ECM2: variants seen among roughly 807,000 people sequenced by gnomAD.
ECM2 encodes the protein extracellular matrix protein 2, female organ and adipocyte specific.
A neutral mutation model predicts 67.5 loss-of-function variants in ECM2; 57 were observed. The observed-to-expected ratio is 0.84, with a 90% confidence interval of 0.68 to 1.05. ECM2 has a LOEUF of 1.05. Among genes scored for constraint, ECM2 ranks in the 50% least tolerant of loss-of-function variants. The pLI is 0.00. For synonymous variants in ECM2, 258 were observed against 294.5 expected (o/e 0.88, Z 1.27); for missense variants, 741 against 822.8 (o/e 0.90, Z 1.22).
the ECM2 span, among the ~76,000 whole-genome samples, chr9:92,551,379 C>G: frequency 6.6e-6 from 1 of 152,004 alleles, no homozygotes; most frequent in African/African-American, 2.4e-5. Flanking sequence ...GCTCTGTCAC[C>G]CAAGCTGGAC....
intron 8 of ECM2, among the ~76,000 whole-genome samples, chr9:92,501,523 A>G (rs1846676457): frequency 6.6e-6 from 1 of 152,112 alleles, no homozygotes; most frequent in African/African-American, 2.4e-5. Flanking sequence ...TGATTTGATG[A>G]CCTGGCACAC....
intron 4 of ECM2, among the ~76,000 whole-genome samples, chr9:92,513,858 A>G (rs1018586340): frequency 2.0e-5 from 3 of 152,206 alleles, no homozygotes; most frequent in Non-Finnish European, 4.4e-5. Context: ...GACTATGTGC[A>G]TTTGTCAAAA....
chr9:92,545,131 C>T, the ECM2 span, among the ~76,000 whole-genome samples: 2 of 152,202 alleles, frequency 1.3e-5, no homozygotes, highest in African/African-American at 4.8e-5. Context: ...TCAGCCTCAG[C>T]GCCCACTCTG....
At chr9:92,521,144 T>C (rs1339636237) in intron 2 of ECM2, among the ~76,000 whole-genome samples, 1 of 152,228 alleles carries the variant, frequency 6.6e-6, no homozygotes, top group African/African-American at 2.4e-5. Flanking sequence ...TACTGTAAGA[T>C]CACTGGAAAA....
chr9:92,532,514 C>T (rs1848861519), intron 1 of ECM2, among the ~76,000 whole-genome samples: 1 of 152,060 alleles, frequency 6.6e-6, no homozygotes, highest in South Asian at 2.1e-4. Flanking sequence ...ACTTTCCCCT[C>T]ATTTGTATTT....
rs1463733216 is a variant in ECM2 at position 92,496,123 on chromosome 9, T to C, written c.*192A>G. The stretch of plus-strand genomic sequence containing the variant: ...GGAAACTGAGAGATTTTACCTTTAC[T>C]ATTAATAAAACTCCTAGAGACTATA... On this transcript the variant is annotated 3_prime_UTR_variant, in exon 10 of 10. Transcript: ENST00000344604. 2.4e-6 allele frequency: 3 copies of C among 1,224,676 alleles called. No individual in the cohort carries two copies. The highest frequency in any genetic ancestry group is 3.2e-5 in the African/African-American group (2 of 63,038). The allele number at this position is 1,224,676 out of a possible 1,614,324, so 75.9% of individuals were successfully genotyped here.
intron 4 of ECM2, among the ~76,000 whole-genome samples, chr9:92,513,764 T>C (rs1281353143): frequency 2.6e-5 from 4 of 152,206 alleles, no homozygotes; most frequent in African/African-American, 9.6e-5. Context: ...TGTTCTGTGG[T>C]GGCCAGTGAC....
At chr9:92,499,553 A>G (rs985397462) in intron 9 of ECM2, among the ~76,000 whole-genome samples, 4 of 152,218 alleles carry the variant, frequency 2.6e-5, no homozygotes, top group Admixed American at 2.0e-4. Flanking sequence ...CAATCCAGTG[A>G]TCAATTTTAG....
chr9:92,544,693 G>T, the ECM2 span, among the ~76,000 whole-genome samples: 727 of 150,240 alleles, frequency 4.8e-3, 6 homozygotes, highest in African/African-American at 0.017. Context: ...GAGGACCAGA[G>T]AAATTGTTAT....
chr9:92,502,696 T>C (rs891993033), intron 7 of ECM2, 44 bp from the exon 8 acceptor site: 7 of 1,449,688 alleles, frequency 4.8e-6, no homozygotes, highest in African/African-American at 1.4e-5. Context: ...TTGTGTTAGT[T>C]GATACGTTCA....
At chr9:92,531,013 T>C (rs1218392763) in intron 1 of ECM2, among the ~76,000 whole-genome samples, 1 of 152,214 alleles carries the variant, frequency 6.6e-6, no homozygotes, top group Non-Finnish European at 1.5e-5. Context: ...GCTGTCTTTC[T>C]ATATTTTTAT....
At chr9:92,537,006 C>T (rs1271185371), upstream of ECM2, among the ~76,000 whole-genome samples, 2 of 151,362 alleles carry the variant, frequency 1.3e-5, no homozygotes, top group Admixed American at 1.3e-4. Flanking sequence ...AGTAGGTGGG[C>T]TTAAAGGCGC....
At chr9:92,542,873 TTTTG>T in the ECM2 span, among the ~76,000 whole-genome samples, 1 of 152,216 alleles carries the variant, frequency 6.6e-6, no homozygotes, top group East Asian at 1.9e-4. Context: ...CATTAATCTA[TTTTG>T]AGTTGATTTC....
intron 1 of ECM2, among the ~76,000 whole-genome samples, chr9:92,533,328 A>AAAAAATATATAT (rs1554683138): frequency 2.6e-5 from 1 of 38,336 alleles, no homozygotes; most frequent in African/African-American, 1.5e-4. Flanking sequence ...AAAAAAAAAA[A>AAAAAATATATAT]ATATATATAT....
At chr9:92,555,288 C>T in the ECM2 span, among the ~76,000 whole-genome samples, 2 of 121,858 alleles carry the variant, frequency 1.6e-5, no homozygotes, top group Non-Finnish European at 3.1e-5. Context: ...AGTACAATGG[C>T]GTGATCTCAG....
the ECM2 span, among the ~76,000 whole-genome samples, chr9:92,558,045 G>A: frequency 6.6e-6 from 1 of 152,010 alleles, no homozygotes; most frequent in Non-Finnish European, 1.5e-5. Flanking sequence ...TTCACTTCTT[G>A]TATCATTTTT....
chr9:92,547,583 T>TTCA, the ECM2 span, among the ~76,000 whole-genome samples: 4 of 152,338 alleles, frequency 2.6e-5, no homozygotes, highest in South Asian at 8.3e-4. Context: ...TATTGAATGA[T>TTCA]TTCATTCGTA....
chr9:92,546,761 A>G, the ECM2 span, among the ~76,000 whole-genome samples: 1 of 152,248 alleles, frequency 6.6e-6, no homozygotes, highest in Non-Finnish European at 1.5e-5. Flanking sequence ...TTATGCTAGT[A>G]AATTGATATA....
intron 6 of ECM2, among the ~76,000 whole-genome samples, chr9:92,507,391 A>G (rs936377736): frequency 3.9e-5 from 6 of 152,244 alleles, no homozygotes; most frequent in Admixed American, 3.9e-4. Context: ...GAAATGAACT[A>G]GTGGCCATTA....
Sources: gnomAD v4.1 joint callset for allele counts (sites outside exome capture counted in the v4.1 genomes callset) on GRCh38, gnomAD v4.1.1 for gene constraint, MANE v1.5 for transcripts, NCBI Gene and HGNC (gene_info 2026-07-23, HGNC 2026-07-21) for gene names.